OLFML2B: variants seen among roughly 807,000 people sequenced by gnomAD.
OLFML2B encodes the protein olfactomedin-like protein 2B.
Under a neutral mutation model 74.9 loss-of-function variants are expected in OLFML2B, and 57 were observed. The ratio of observed to expected loss-of-function variants is 0.76; its 90% CI spans 0.61 to 0.95. OLFML2B has a LOEUF of 0.95. Among genes scored for constraint, OLFML2B ranks in the 40% least tolerant of loss-of-function variants. OLFML2B has a pLI of 0.00. For synonymous variants in OLFML2B, 388 were observed against 405.8 expected, an observed-to-expected ratio of 0.96 and a Z score of 0.53; for missense variants, 986 against 970.6, an observed-to-expected ratio of 1.02 and a Z score of -0.21.
At chr1:161,987,522 C>T (rs548071010) in intron 6 of OLFML2B, among the ~76,000 whole-genome samples, 1 of 152,292 alleles carries the variant, frequency 6.6e-6, no homozygotes, top group South Asian at 2.1e-4. Context: ...CCAAAGAATG[C>T]TGGCAGCCAT....
At chr1:162,021,073 G>A (rs1690691424) in intron 1 of OLFML2B, among the ~76,000 whole-genome samples, 1 of 152,236 alleles carries the variant, frequency 6.6e-6, no homozygotes, top group African/African-American at 2.4e-5. Flanking sequence ...AAGAGGCAGA[G>A]GGAAAGGGCA....
chr1:162,004,401 T>A (rs1219388600), intron 4 of OLFML2B, among the ~76,000 whole-genome samples: 1 of 152,196 alleles, frequency 6.6e-6, no homozygotes, highest in Non-Finnish European at 1.5e-5. Flanking sequence ...AAATATGATA[T>A]TTCCAAAAAA....
intron 4 of OLFML2B, among the ~76,000 whole-genome samples, chr1:162,004,385 C>A (rs959852070): frequency 2.0e-4 from 30 of 152,192 alleles, no homozygotes; most frequent in African/African-American, 7.2e-4. Flanking sequence ...AAAATAATTT[C>A]TGAAGAAATA....
At chr1:162,004,515 G>A (rs1690166908) in intron 4 of OLFML2B, among the ~76,000 whole-genome samples, 1 of 152,136 alleles carries the variant, frequency 6.6e-6, no homozygotes, top group Admixed American at 6.5e-5. Flanking sequence ...TGGGGAGGGT[G>A]GAGGCACCAT....
intron 4 of OLFML2B, among the ~76,000 whole-genome samples, chr1:162,001,391 T>C (rs1690075455): frequency 6.6e-6 from 1 of 152,208 alleles, no homozygotes; most frequent in South Asian, 2.1e-4. Flanking sequence ...TAAGGGGGGC[T>C]GATTCAGCTT....
intron 3 of OLFML2B, among the ~76,000 whole-genome samples, chr1:162,007,517 C>A (rs1226334193): frequency 6.6e-6 from 1 of 152,202 alleles, no homozygotes; most frequent in Non-Finnish European, 1.5e-5. Flanking sequence ...CATCTACATT[C>A]TTAAATGTGA....
chr1:162,016,805 C>A (rs556837424), intron 3 of OLFML2B, among the ~76,000 whole-genome samples: 1 of 152,198 alleles, frequency 6.6e-6, no homozygotes, highest in Non-Finnish European at 1.5e-5. Context: ...AACCACAGCA[C>A]CACCTGTACC....
At chr1:162,014,583 C>T (rs1184821054) in intron 3 of OLFML2B, among the ~76,000 whole-genome samples, 1 of 152,226 alleles carries the variant, frequency 6.6e-6, no homozygotes, top group Non-Finnish European at 1.5e-5. Context: ...AACTTCCATT[C>T]CTCCTGCAGA....
rs374129648 is a variant in OLFML2B at position 162,019,989 on chromosome 1, G to A, written c.368C>T (p.Ser123Leu). 2.3e-5 allele frequency: 37 copies of A among 1,614,192 alleles called. No homozygotes were observed. Among genetic ancestry groups the A allele is most frequent in the East Asian group, 1.1e-4 (5 of 44,872 alleles). ...SCKCACVAPP[S>L]ALNPCEGDFR... ...GTCTCCCTCGCAGGGATTGAGGGCC[G>A]ATGGGGGTGCTACACAGGCACACTT... Residue 123 changes from serine to leucine, a missense_variant, in exon 2 of 8, where the codon TCG becomes TTG. Transcript: ENST00000294794.
chr1:162,009,808 C>G (rs77579235), intron 3 of OLFML2B, among the ~76,000 whole-genome samples: 3,379 of 152,256 alleles, frequency 0.022, 119 homozygotes, highest in African/African-American at 0.076. Context: ...CCCTCAAGAG[C>G]TCCCCACCTC....
At chr1:162,016,450 C>A (rs192710620) in intron 3 of OLFML2B, among the ~76,000 whole-genome samples, 2 of 152,120 alleles carry the variant, frequency 1.3e-5, no homozygotes, top group African/African-American at 4.8e-5. Flanking sequence ...GATAGCCCCC[C>A]AAAAGTCCAC....
chr1:161,986,558 C>T (rs1689597560), intron 6 of OLFML2B, among the ~76,000 whole-genome samples: 1 of 152,184 alleles, frequency 6.6e-6, no homozygotes. Flanking sequence ...ATTCAGTCTC[C>T]ATAAGACAAA....
chr1:161,998,022 G>A lies in OLFML2B; in HGVS notation c.1277C>T (p.Thr426Ile). ...AGGAGCTGGGGCTGCTGGTTGCTGG[G>A]TGGCTGTGTGGGCCACAGTGGTGGC... is the stretch of plus-strand genomic sequence containing the variant. Reference protein sequence around the residue: ...VPATTVAHTATQQPAAPAPPA... With the variant: ...VPATTVAHTAIQQPAAPAPPA... Residue 426 changes from threonine (T) to isoleucine (I), a missense_variant, in exon 6 of 8, where the codon ACC becomes ATC. Coordinates refer to ENST00000294794, the MANE Select transcript of OLFML2B (RefSeq NM_015441.3). 9.3e-6 allele frequency: 15 copies of A among 1,614,166 alleles called. No individual in the cohort carries two copies. The highest frequency in any genetic ancestry group is 1.3e-5 in the Non-Finnish European group (15 of 1,180,030).
At position 162,006,286 on chromosome 1, in the gene OLFML2B, T is replaced by TG; in HGVS notation, c.723+10dup. The TG allele has an allele frequency of 1.9e-6, 3 of 1,549,014 alleles. No homozygotes were observed. The highest frequency in any genetic ancestry group is 2.6e-6 in the Non-Finnish European group (3 of 1,151,818). On this transcript the variant is annotated intron_variant, in intron 4 of 7. Transcript: ENST00000294794. ...CTTGTGATCAGAGGCCCTTGGAGGC[T>TG]GGGGCTATACCTCTGGGTGGGCGTA...
At chr1:162,022,954 C>CTT (rs1690767997) in intron 1 of OLFML2B, among the ~76,000 whole-genome samples, 1 of 152,170 alleles carries the variant, frequency 6.6e-6, no homozygotes, top group South Asian at 2.1e-4. Flanking sequence ...ACAAGAGATA[C>CTT]TTTTTACAAC....
intron 2 of OLFML2B, among the ~76,000 whole-genome samples, chr1:162,019,028 C>T (rs906235591): frequency 6.6e-6 from 1 of 152,296 alleles, no homozygotes; most frequent in South Asian, 2.1e-4. Flanking sequence ...GGCAGAGCTG[C>T]GGCTCTGGCC....
chr1:162,020,207 G>A (rs746791937), intron 1 of OLFML2B, 25 bp from the exon 2 acceptor site: 1 of 1,610,004 alleles, frequency 6.2e-7, no homozygotes, highest in Non-Finnish European at 8.5e-7. Flanking sequence ...AACGGGTTAG[G>A]GGCATGCAAA....
chr1:161,989,513 T>C (rs1689676731), intron 6 of OLFML2B, among the ~76,000 whole-genome samples: 1 of 152,194 alleles, frequency 6.6e-6, no homozygotes, highest in Non-Finnish European at 1.5e-5. Context: ...ACCTAGCTGC[T>C]TGTATTCACC....
Position 162,018,065 on chromosome 1 carries a change from G to A in OLFML2B, c.439-558C>T, listed in dbSNP as rs1013885423. ...CAAATACCACATGTTCTCACTTATA[G>A]GTGGGAGCTAAACAATGAGAACTCA... On this transcript the variant is annotated intron_variant, in intron 2 of 7. Coordinates refer to ENST00000294794, the MANE Select transcript of OLFML2B (RefSeq NM_015441.3). 9.2e-5 allele frequency among the ~76,000 whole-genome samples: 14 copies of A among 152,126 alleles called. 1 individual carries two copies. Among genetic ancestry groups the A allele is most frequent in the Admixed American group, 8.5e-4 (13 of 15,274 alleles).
Sources: allele counts gnomAD v4.1 joint callset (sites outside exome capture counted in the v4.1 genomes callset), GRCh38; gene constraint gnomAD v4.1.1; transcripts MANE v1.5; gene names NCBI Gene and HGNC (gene_info 2026-07-23, HGNC 2026-07-21).